Variants in GLP1R observed in about 807,000 individuals in gnomAD.
GLP1R encodes the protein glucagon-like peptide 1 receptor.
GLP1R carries 32 observed loss-of-function variants against 68.4 expected under a neutral mutation model. That is an observed-to-expected ratio of 0.47 (90% CI 0.35 to 0.63). The LOEUF is 0.63. GLP1R is among the 20% of genes least tolerant of loss of function. GLP1R has a pLI of 0.00. For synonymous variants in GLP1R, 263 were observed against 244.4 expected (o/e 1.08, Z -0.71); for missense variants, 502 against 594.9 (o/e 0.84, Z 1.62).
chr6:39,085,834 G>T, intron 12 of GLP1R, 72 bp from the exon 13 acceptor site: 1 of 1,393,298 alleles, frequency 7.2e-7, no homozygotes, highest in African/African-American at 1.4e-5. Context: ...CCCCACTAAT[G>T]TAATAGTGGG....
In GLP1R at chr6:39,087,720, C is replaced by G. The variant is rs1769185169; in HGVS notation, c.*1647C>G. On this transcript the variant is annotated 3_prime_UTR_variant, in exon 13 of 13. Coordinates refer to ENST00000373256, the MANE Select transcript of GLP1R (RefSeq NM_002062.5). ...GAAAATAATAGGATATAAAACACAT[C>G]AAGTAGAAAATTTCTTATACTTCAG... The G allele has an allele frequency of 2.0e-5, 3 of 152,146 alleles. No homozygotes were observed. Among genetic ancestry groups the G allele is most frequent in the African/African-American group, 2.4e-5 (1 of 41,410 alleles). 9.4% of individuals were successfully genotyped at this position (152,146 alleles called of 1,614,324 possible). A position where few individuals can be genotyped will look rare whatever the true frequency, so the allele number is the denominator to read the frequency against.
rs147182200 is a variant in GLP1R, at chr6:39,083,082, T to C, written c.1224+2343T>C. 7.2e-5 allele frequency among the ~76,000 whole-genome samples: 11 copies of C among 152,220 alleles called. No homozygotes were observed. In the East Asian group the frequency reaches 1.9e-3, roughly 27 times the overall value. On this transcript the variant is annotated intron_variant, in intron 12 of 12. Transcript: ENST00000373256. ...GTAAGGGGATAGTACTTCTTTGCCC[T>C]TGGAAAAAAACTTGATCCTGAATCA...
intron 12 of GLP1R, 48 bp from the exon 13 acceptor site, chr6:39,085,858 C>G (rs1769129923): frequency 6.3e-7 from 1 of 1,580,020 alleles, no homozygotes; most frequent in Admixed American, 1.7e-5. Flanking sequence ...ATTTTGTTAG[C>G]CATTGGTTTG....
chr6:39,089,765 G>A lies in GLP1R; in HGVS notation c.*3692G>A, dbSNP rs1427035845. On this transcript the variant is annotated 3_prime_UTR_variant, in exon 13 of 13. Transcript: ENST00000373256. This position sits in a 1 kb window ranked among gnomAD's most constrained non-coding sequence, Gnocchi z 4.1. ...GAGGCTGGGAGTCTAAGTGGTAGAT[G>A]CTTCCTCTCCATGCGCAGACAGGGC... Among the ~76,000 whole-genome samples the A allele has an allele frequency of 6.6e-6, 1 of 152,160 alleles. No individual in the cohort carries two copies. Among genetic ancestry groups the A allele is most frequent in the African/African-American group, 2.4e-5 (1 of 41,444 alleles).
chr6:39,067,147 A>G (rs1376142662), intron 5 of GLP1R, among the ~76,000 whole-genome samples: 1 of 152,146 alleles, frequency 6.6e-6, no homozygotes, highest in Non-Finnish European at 1.5e-5. Flanking sequence ...TCCCTGCCCT[A>G]CACCCATCAG....
intron 5 of GLP1R, among the ~76,000 whole-genome samples, chr6:39,068,488 A>T (rs1342386270): frequency 6.6e-6 from 1 of 152,222 alleles, no homozygotes; most frequent in Non-Finnish European, 1.5e-5. Context: ...TAGATTTATT[A>T]GAAACCTCCA....
intron 1 of GLP1R, among the ~76,000 whole-genome samples, chr6:39,055,733 G>A (rs1056171290): frequency 6.6e-6 from 1 of 151,496 alleles, no homozygotes. Context: ...GGGGTGGGGG[G>A]TGCTGTGTTG....
Position 39,048,818 on chromosome 6 carries a change from G to T in GLP1R, c.-23G>T. The T allele has an allele frequency of 8.1e-7, 1 of 1,240,752 alleles. No homozygotes were observed. The highest frequency in any genetic ancestry group is 1.1e-6 in the Non-Finnish European group (1 of 892,580). The allele number at this position is 1,240,752 out of a possible 1,614,324, so 76.9% of individuals were successfully genotyped here. A position where few individuals can be genotyped will look rare whatever the true frequency, so the allele number is the denominator to read the frequency against. The stretch of plus-strand genomic sequence containing the variant: ...ACGCGGTTCCGCAGGTGGCAGCGAT[G>T]GCCCAGTCCTGAACTCCCCGCCATG... On this transcript the variant is annotated 5_prime_UTR_variant, in exon 1 of 13. It removes an upstream start codon present in the reference 5' UTR. Transcript: ENST00000373256.
chr6:39,080,772 G>A, intron 12 of GLP1R, 33 bp downstream of exon 12: 1 of 1,474,456 alleles, frequency 6.8e-7, no homozygotes, highest in African/African-American at 1.4e-5. Context: ...GGGGACCCTG[G>A]TGGGTGGGTA....
intron 5 of GLP1R, among the ~76,000 whole-genome samples, chr6:39,069,519 G>A (rs946250210): frequency 1.9e-4 from 29 of 151,910 alleles, no homozygotes; most frequent in African/African-American, 7.0e-4. Context: ...TGTAGTCCCA[G>A]CTACTCGGGA....
chr6:39,085,530 T>G (rs1305663036), intron 12 of GLP1R, among the ~76,000 whole-genome samples: 1 of 152,222 alleles, frequency 6.6e-6, no homozygotes, highest in East Asian at 1.9e-4. Context: ...GAAACTGGAC[T>G]GTGCGCTGTA....
chr6:39,072,803 G>A (rs1768710169), intron 5 of GLP1R, 59 bp from the exon 6 acceptor site: 1 of 1,487,256 alleles, frequency 6.7e-7, no homozygotes, highest in Non-Finnish European at 9.3e-7. Flanking sequence ...GAGAGCCTGG[G>A]GTTGTAGAGC....
intron 7 of GLP1R, 74 bp from the exon 8 acceptor site, chr6:39,078,248 G>C (rs1338874823): frequency 1.9e-6 from 2 of 1,055,302 alleles, no homozygotes; most frequent in East Asian, 2.4e-5. Flanking sequence ...TTGGGGCAGG[G>C]AGAGGCCTCG....
intron 1 of GLP1R, 63 bp downstream of exon 1, chr6:39,048,981 G>C: frequency 3.0e-6 from 2 of 665,438 alleles, no homozygotes; most frequent in East Asian, 3.4e-5. Context: ...TGCAGGCGCA[G>C]TGTCCTGGTG....
Position 39,088,515 on chromosome 6 carries a change from T to A in GLP1R, c.*2442T>A, listed in dbSNP as rs573226620. Among the ~76,000 whole-genome samples the A allele has an allele frequency of 6.6e-6, 1 of 152,284 alleles. No individual in the cohort carries two copies. The highest frequency in any genetic ancestry group is 2.1e-4 in the South Asian group (1 of 4,826). On this transcript the variant is annotated 3_prime_UTR_variant, in exon 13 of 13. Coordinates refer to ENST00000373256, the MANE Select transcript of GLP1R (RefSeq NM_002062.5). The stretch of plus-strand genomic sequence containing the variant: ...GGGGTACTATTGCTGACCAGCAGGG[T>A]GTAGGCGCTGCTTTTGTTTGAGCTT...
At chr6:39,069,569 TGAGCAGA>T (rs375189198) in intron 5 of GLP1R, among the ~76,000 whole-genome samples, 67,566 of 149,038 alleles carry the variant, frequency 0.45, 15,930 homozygotes, top group Non-Finnish European at 0.51. Context: ...GGAGGCGGAG[TGAGCAGA>T]GCAGTGAGCA....
intron 3 of GLP1R, among the ~76,000 whole-genome samples, chr6:39,061,747 G>C (rs1003646299): frequency 1.3e-5 from 2 of 152,184 alleles, no homozygotes; most frequent in African/African-American, 4.8e-5. Context: ...CCATTTTACA[G>C]ATAAGGAAAC....
chr6:39,070,691 G>T (rs941373929), intron 5 of GLP1R, among the ~76,000 whole-genome samples: 1 of 152,154 alleles, frequency 6.6e-6, no homozygotes, highest in Non-Finnish European at 1.5e-5. Flanking sequence ...GCATATTCCA[G>T]ATTCCCAAAG....
At chr6:39,067,925 G>A (rs1322935171) in intron 5 of GLP1R, among the ~76,000 whole-genome samples, 2 of 152,148 alleles carry the variant, frequency 1.3e-5, no homozygotes, top group South Asian at 2.1e-4. Flanking sequence ...TCATTTCATA[G>A]GACAGACATT....
Sources: allele counts gnomAD v4.1 joint callset (sites outside exome capture counted in the v4.1 genomes callset), GRCh38; gene constraint gnomAD v4.1.1; non-coding constraint Gnocchi (gnomAD v3.1); transcripts MANE v1.5; gene names NCBI Gene and HGNC (gene_info 2026-07-23, HGNC 2026-07-21).